Variants in STRA6 observed in about 807,000 individuals in gnomAD.
The protein encoded by STRA6 is signaling receptor and transporter of retinol STRA6.
In STRA6, 48 loss-of-function variants were observed where a neutral mutation model predicts 83.6. That is an observed-to-expected ratio of 0.57 (90% CI 0.46 to 0.73). The LOEUF (loss-of-function observed/expected upper bound fraction) is 0.73. Among genes scored for constraint, STRA6 ranks in the 30% least tolerant of loss-of-function variants. STRA6 has a pLI of 0.00. For synonymous variants in STRA6, 353 were observed against 362.3 expected (o/e 0.97, Z 0.29); for missense variants, 760 against 838.8 (o/e 0.91, Z 1.16).
At chr15:74,182,735 A>T (rs998067149) in intron 14 of STRA6, 13 of 455,430 alleles carry the variant, frequency 2.9e-5, no homozygotes, top group Non-Finnish European at 4.4e-5. Context: ...ATCACAAAAT[A>T]CTTTGCAAAT....
At chr15:74,199,463 C>T (rs1014190143) in intron 2 of STRA6, among the ~76,000 whole-genome samples, 4 of 151,962 alleles carry the variant, frequency 2.6e-5, no homozygotes, top group South Asian at 2.1e-4. Context: ...CACTCTGGTG[C>T]GTAGGGCAGC....
rs372422868 is a variant in STRA6, at chr15:74,189,134, G to A, written c.1071C>T (p.His357=). Residue 357 remains histidine, a synonymous_variant, in exon 12 of 19, where the codon CAC becomes CAT. Transcript: ENST00000395105. ...DKQEVVELVK[H]HLWALEVCYI... is the part of the protein sequence containing the mutation. ...CCTCACCTTCCAGAGCCCACAGATGGTGCTTCACCAGCTCCACCACCTCCT... is the reference window on the plus strand; with the variant it reads ...CCTCACCTTCCAGAGCCCACAGATGATGCTTCACCAGCTCCACCACCTCCT... 7.1e-5 allele frequency: 115 copies of A among 1,613,994 alleles called. No homozygotes were observed. Among genetic ancestry groups the A allele is most frequent in the Non-Finnish European group, 9.4e-5 (111 of 1,180,038 alleles).
rs896060303 is a variant in STRA6, at chr15:74,182,653, T to C, written c.1301-193A>G. 3 of 595,092 alleles carry C rather than the reference T, an allele frequency of 5.0e-6. No individual in the cohort carries two copies. In the African/African-American group the frequency reaches 5.6e-5, roughly 11 times the overall value. The allele number at this position is 595,092 out of a possible 1,614,324, so 36.9% of individuals were successfully genotyped here. A position where few individuals can be genotyped will look rare whatever the true frequency, so the allele number is the denominator to read the frequency against. On this transcript the variant is annotated intron_variant, in intron 14 of 18. Transcript: ENST00000395105. The stretch of plus-strand genomic sequence containing the variant: ...AGCCTCAGTTTCTTCCTCTGTAAAA[T>C]GGGGATAATAGTCCCTACCTCAGAG...
Position 74,189,577 on chromosome 15 carries a change from C to G in STRA6, c.928-300G>C, listed in dbSNP as rs917665546. On this transcript the variant is annotated intron_variant, in intron 11 of 18. Coordinates refer to ENST00000395105, the MANE Select transcript of STRA6 (RefSeq NM_022369.4). ...CCAACCAATTCAATCAAGCGCAGAT[C>G]AAAAATATTTGGGGAAAAACCCTCA... Among the ~76,000 whole-genome samples, 3 of 151,708 alleles carry G rather than the reference C, an allele frequency of 2.0e-5. No homozygotes were observed. In the East Asian group the frequency reaches 5.8e-4, roughly 29 times the overall value.
chr15:74,208,989 T>C lies in STRA6; in HGVS notation c.-205A>G. ...GTTGTGTGGTCTCGGCAGTTGGCCC[T>C]GAGAAGTGTCCCCAGCACCTGCTTT... On this transcript the variant is annotated 5_prime_UTR_variant, in exon 1 of 19. Transcript: ENST00000323940. The C allele has an allele frequency of 3.9e-6, 4 of 1,023,384 alleles. No homozygotes were observed. The South Asian group carries it at 1.2e-4, about 31-fold the overall frequency. The allele number at this position is 1,023,384 out of a possible 1,614,324, so 63.4% of individuals were successfully genotyped here.
chr15:74,208,053 A>G (rs142360517), intron 1 of STRA6: 1 of 1,299,124 alleles, frequency 7.7e-7, no homozygotes, highest in African/African-American at 1.5e-5. Flanking sequence ...TCATCATAAC[A>G]TAAAGGATTT....
At chr15:74,206,854 C>T (rs1051744326), upstream of STRA6, among the ~76,000 whole-genome samples, 1 of 152,228 alleles carries the variant, frequency 6.6e-6, no homozygotes, top group Non-Finnish European at 1.5e-5. Flanking sequence ...CATGAACCCA[C>T]GTGGGCACTC....
At chr15:74,198,815 C>T (rs990939275) in intron 2 of STRA6, among the ~76,000 whole-genome samples, 6 of 152,238 alleles carry the variant, frequency 3.9e-5, no homozygotes, top group Non-Finnish European at 8.8e-5. Flanking sequence ...TATGGCCTGG[C>T]AATGGTCCTG....
intron 17 of STRA6, 124 bp downstream of exon 17, chr15:74,181,171 T>A: frequency 6.9e-7 from 1 of 1,447,412 alleles, no homozygotes; most frequent in Non-Finnish European, 9.4e-7. Flanking sequence ...GGCACACAGG[T>A]GGCACATGCA....
Position 74,202,706 on chromosome 15 carries a change from GAC to G in STRA6, c.-16+5_-16+6del. 1 of 1,314,154 alleles carries G rather than the reference GAC, an allele frequency of 7.6e-7. No homozygotes were observed. Among genetic ancestry groups the G allele is most frequent in the Non-Finnish European group, 9.7e-7 (1 of 1,036,232 alleles). 81.4% of individuals were successfully genotyped at this position (1,314,154 alleles called of 1,614,324 possible). A position where few individuals can be genotyped will look rare whatever the true frequency, so the allele number is the denominator to read the frequency against. On this transcript the variant is annotated splice_donor_5th_base_variant and intron_variant, in intron 1 of 18. Transcript: ENST00000395105. ...CCAAGCCCACCTAGACAGACCCACA[GAC>G]ACACCAGAAGGGAGGCCCAGGGAGG...
At chr15:74,180,551 G>A (rs2072923729) in intron 18 of STRA6, among the ~76,000 whole-genome samples, 1 of 152,206 alleles carries the variant, frequency 6.6e-6, no homozygotes, top group Non-Finnish European at 1.5e-5. Context: ...CCTTAGGAAG[G>A]CAGCTGTTTC....
At chr15:74,197,913 ACCCACTACCT>A in intron 2 of STRA6, 95 bp from the exon 3 acceptor site, 1 of 1,299,006 alleles carries the variant, frequency 7.7e-7, no homozygotes, top group Non-Finnish European at 1.1e-6. Context: ...CTGAGGCTTT[ACCCACTACCT>A]CCCTCAACCC....
At chr15:74,201,821 C>A (rs952243866) in intron 2 of STRA6, among the ~76,000 whole-genome samples, 15 of 152,104 alleles carry the variant, frequency 9.9e-5, no homozygotes, top group Admixed American at 9.2e-4. Context: ...CTGCTCTCAG[C>A]AGCTTCTCCA....
intron 8 of STRA6, chr15:74,191,864 G>C (rs567543299): frequency 2.6e-6 from 1 of 388,632 alleles, no homozygotes; most frequent in Non-Finnish European, 4.9e-6. Flanking sequence ...TGTGTCCCAC[G>C]GGCACATCCT....
upstream of STRA6, chr15:74,209,519 A>G: frequency 7.4e-7 from 1 of 1,356,670 alleles, no homozygotes; most frequent in Non-Finnish European, 1.0e-6. Context: ...ACAGGGCTTC[A>G]GGGCTGGAAT....
At chr15:74,193,427 G>T (rs959794267) in intron 8 of STRA6, among the ~76,000 whole-genome samples, 33 of 152,016 alleles carry the variant, frequency 2.2e-4, no homozygotes, top group African/African-American at 6.8e-4. Context: ...TTCTGCCCTG[G>T]GTGCTTCCTG....
At chr15:74,190,735 C>T in intron 11 of STRA6, 105 bp downstream of exon 11, 1 of 1,559,772 alleles carries the variant, frequency 6.4e-7, no homozygotes, top group Non-Finnish European at 8.8e-7. Context: ...GGTCAGGGTT[C>T]TGGATGGAGC....
rs535367353 is a variant in STRA6, at chr15:74,184,047, C to G, written c.1167-58G>C. On this transcript the variant is annotated intron_variant, in intron 13 of 18. Transcript: ENST00000395105. ...GGGAGCAACACACTCTTCCTAAATC[C>G]TCCTCTGGGCCAGCAACTGGCCAAA... 1.1e-5 allele frequency: 17 copies of G among 1,603,526 alleles called. No individual in the cohort carries two copies. The African/African-American group carries it at 2.1e-4, about 20-fold the overall frequency.
At chr15:74,185,177 G>C (rs771006734) in intron 12 of STRA6, 122 bp from the exon 13 acceptor site, 36 of 956,842 alleles carry the variant, frequency 3.8e-5, no homozygotes, top group Middle Eastern at 2.1e-4. Flanking sequence ...TGAACTCTGT[G>C]TGGAAGCCTC....
Sources: allele counts gnomAD v4.1 joint callset (sites outside exome capture counted in the v4.1 genomes callset), GRCh38; gene constraint gnomAD v4.1.1; transcripts MANE v1.5; gene names NCBI Gene and HGNC (gene_info 2026-07-23, HGNC 2026-07-21).